The following P4HA3 variants were observed in gnomAD, a reference collection of about 807,000 sequenced individuals.
P4HA3 encodes prolyl 4-hydroxylase subunit alpha 3.
A neutral mutation model predicts 66.7 loss-of-function variants in P4HA3; 60 were observed. That is an observed-to-expected ratio of 0.90 (90% CI 0.73 to 1.12). The LOEUF is 1.12. P4HA3 is among the 50% of genes most tolerant of loss of function. The pLI is 0.00. For missense variants in P4HA3, 683 were observed against 685.8 expected, an observed-to-expected ratio of 1.00 and a Z score of 0.05; for synonymous variants, 263 against 274.6, an observed-to-expected ratio of 0.96 and a Z score of 0.42.
chr11:74,286,439 T>C, intron 5 of P4HA3, 48 bp from the exon 6 acceptor site: 1 of 1,476,938 alleles, frequency 6.8e-7, no homozygotes, highest in South Asian at 1.5e-5. Flanking sequence ...TAACAAATAC[T>C]GGCCCCAGGG....
intron 3 of P4HA3, among the ~76,000 whole-genome samples, chr11:74,301,283 A>G (rs1353853301): frequency 6.6e-6 from 1 of 152,186 alleles, no homozygotes; most frequent in Non-Finnish European, 1.5e-5. Flanking sequence ...AAGTGAATAA[A>G]TATAGAAAGA....
At chr11:74,294,561 C>T (rs1279762250) in intron 4 of P4HA3, among the ~76,000 whole-genome samples, 1 of 152,156 alleles carries the variant, frequency 6.6e-6, no homozygotes, top group African/African-American at 2.4e-5. Flanking sequence ...TCTGTTTTTT[C>T]CCCATCTTTG....
intron 4 of P4HA3, among the ~76,000 whole-genome samples, chr11:74,294,444 A>G (rs1861144762): frequency 6.6e-6 from 1 of 151,794 alleles, no homozygotes; most frequent in Admixed American, 6.6e-5. Context: ...TCTTCTCTCA[A>G]CTCATCAAAG....
At chr11:74,252,429 T>C (rs1859725048) in intron 15 of P4HA3, 1 of 454,784 alleles carries the variant, frequency 2.2e-6, no homozygotes, top group Non-Finnish European at 4.4e-6. Context: ...TTGCACAGTG[T>C]CTTCCCATGG....
chr11:74,288,639 G>A (rs939736135), intron 5 of P4HA3, among the ~76,000 whole-genome samples: 19 of 152,210 alleles, frequency 1.2e-4, no homozygotes, highest in African/African-American at 4.3e-4. Context: ...ATGTGACCTG[G>A]ATTATGAAAT....
At chr11:74,288,102 A>C (rs1015818658) in intron 5 of P4HA3, among the ~76,000 whole-genome samples, 4 of 152,184 alleles carry the variant, frequency 2.6e-5, no homozygotes, top group Non-Finnish European at 4.4e-5. Context: ...ATTAAAGAAA[A>C]ACCTAGGAAG....
chr11:74,292,699 A>G (rs1219898142), intron 4 of P4HA3, among the ~76,000 whole-genome samples: 2 of 151,896 alleles, frequency 1.3e-5, no homozygotes, highest in African/African-American at 4.8e-5. Context: ...TCATTTCATT[A>G]TTTACCCAGT....
At chr11:74,301,377 T>G (rs1591133892) in intron 3 of P4HA3, among the ~76,000 whole-genome samples, 2 of 152,142 alleles carry the variant, frequency 1.3e-5, no homozygotes, top group East Asian at 3.9e-4. Context: ...CACTAATATG[T>G]TAGTACCATA....
At position 74,286,056 on chromosome 11, in the gene P4HA3, T is replaced by C. The variant is rs1391152308; in HGVS notation, c.934-71A>G. 88 of 1,517,556 alleles carry C rather than the reference T, an allele frequency of 5.8e-5. No individual in the cohort carries two copies. In the South Asian group the frequency reaches 8.2e-4, roughly 14 times the overall value. The allele number at this position is 1,517,556 out of a possible 1,614,324, so 94.0% of individuals were successfully genotyped here. On this transcript the variant is annotated intron_variant, in intron 6 of 12. Transcript: ENST00000331597. ...AGCAAAACTCAACTTAGGGGAACTA[T>C]GGCATAAAAAAATTGGAATGCAAGA...
chr11:74,253,617 C>A, intron 15 of P4HA3: 1 of 1,269,158 alleles, frequency 7.9e-7, no homozygotes, highest in Non-Finnish European at 1.2e-6. Context: ...AGCCATGTGA[C>A]ACTGGCTCCC....
At chr11:74,263,956 GC>G (rs1859950346), downstream of P4HA3, among the ~76,000 whole-genome samples, 3 of 152,120 alleles carry the variant, frequency 2.0e-5, no homozygotes, top group South Asian at 6.2e-4. Flanking sequence ...AAAAATCAAT[GC>G]CCCAAGCCAC....
intron 9 of P4HA3, among the ~76,000 whole-genome samples, chr11:74,276,599 C>T (rs1013723504): frequency 6.6e-6 from 1 of 151,972 alleles, no homozygotes; most frequent in Admixed American, 6.6e-5. Context: ...AAAAAACAAG[C>T]ACATGTACCC....
At chr11:74,259,316 T>A (rs1454123231) in intron 15 of P4HA3, among the ~76,000 whole-genome samples, 3 of 152,118 alleles carry the variant, frequency 2.0e-5, no homozygotes, top group Non-Finnish European at 4.4e-5. Context: ...GAGGCAAAGG[T>A]TGCAGTGAGT....
At position 74,304,365 on chromosome 11, in the gene P4HA3, A is replaced by C; in HGVS notation, c.248T>G (p.Val83Gly). The C allele has an allele frequency of 6.2e-7, 1 of 1,614,148 alleles. No homozygotes were observed. Among genetic ancestry groups the C allele is most frequent in the Non-Finnish European group, 8.5e-7 (1 of 1,179,990 alleles). The change falls in exon 2 of 13, where the codon GTG becomes GGG. Residue 83 changes from valine (V) to glycine (G), a missense_variant. Physicochemically the swap from Val to Gly is moderately radical, Grantham distance 109 (BLOSUM62 -3). Coordinates refer to ENST00000331597, the MANE Select transcript of P4HA3 (RefSeq NM_182904.5). ...AGTAAATGCAAGCAGAGGGTTAGCCACAGGGGTTGTTGAATCCTCATGCAA... is the reference window on the plus strand; with the variant it reads ...AGTAAATGCAAGCAGAGGGTTAGCCCCAGGGGTTGTTGAATCCTCATGCAA... ...LSLHEDSTTPVANPLLAFTLI... is the reference protein window; with the variant it reads ...LSLHEDSTTPGANPLLAFTLI...
chr11:74,294,833 T>A (rs964476203), intron 4 of P4HA3, among the ~76,000 whole-genome samples: 1 of 152,196 alleles, frequency 6.6e-6, no homozygotes, highest in Non-Finnish European at 1.5e-5. Flanking sequence ...TACCCTGCCA[T>A]GTGAGGTGTC....
Position 74,287,408 on chromosome 11 carries a change from C to T in P4HA3, c.770-1017G>A, listed in dbSNP as rs969174866. 31 of 1,074,936 alleles carry T rather than the reference C, an allele frequency of 2.9e-5. 1 individual carries two copies. Among genetic ancestry groups the T allele is most frequent in the East Asian group, 2.4e-4 (4 of 16,730 alleles). The allele number at this position is 1,074,936 out of a possible 1,614,324, so 66.6% of individuals were successfully genotyped here. On this transcript the variant is annotated intron_variant, in intron 5 of 12. Transcript: ENST00000331597. ...AACCCCAGTGAAAATATTGCAAAGC[C>T]GGAAATAAAACTGGGAATCTCAACT...
rs1418053897 is a variant in P4HA3, at chr11:74,285,823, G to C, written c.1096C>G (p.Leu366Val). Residue 366 changes from leucine (L) to valine (V), a missense_variant, in exon 7 of 13, where the codon CTT becomes GTT. Transcript: ENST00000331597. Reference protein sequence around the residue: ...SDSEAQKIRELAEPWLQRSVV... With the variant: ...SDSEAQKIREVAEPWLQRSVV... Reference sequence around the variant, plus strand: ...AGGACACTCACCCATGGTTCTGCAAGTTCTCTAATTTTCTGAGCCTCTGAG... The same window carrying C: ...AGGACACTCACCCATGGTTCTGCAACTTCTCTAATTTTCTGAGCCTCTGAG... 1.2e-6 allele frequency: 2 copies of C among 1,613,890 alleles called. No homozygotes were observed. The highest frequency in any genetic ancestry group is 1.7e-6 in the Non-Finnish European group (2 of 1,179,888).
chr11:74,283,946 G>A (rs1335164947), intron 7 of P4HA3, among the ~76,000 whole-genome samples: 3 of 152,064 alleles, frequency 2.0e-5, no homozygotes, highest in African/African-American at 7.3e-5. Context: ...GTAAATATTT[G>A]TTTTTCTCCA....
At chr11:74,258,073 T>TTTG (rs1320467713) in intron 15 of P4HA3, among the ~76,000 whole-genome samples, 1 of 152,180 alleles carries the variant, frequency 6.6e-6, no homozygotes, top group African/African-American at 2.4e-5. Context: ...CAGTCACTGT[T>TTTG]TTGTTTGCAA....
Sources: gnomAD v4.1 joint callset for allele counts (sites outside exome capture counted in the v4.1 genomes callset) on GRCh38, gnomAD v4.1.1 for gene constraint, MANE v1.5 for transcripts, NCBI Gene and HGNC (gene_info 2026-07-23, HGNC 2026-07-21) for gene names.